The following RGS7 variants were observed in gnomAD, a reference collection of about 807,000 sequenced individuals.
RGS7 encodes the protein regulator of G-protein signaling 7.
In RGS7, 27 loss-of-function variants were observed where a neutral mutation model predicts 81.1. The ratio of observed to expected loss-of-function variants is 0.33; its 90% CI spans 0.25 to 0.46. The LOEUF is 0.46. Among genes scored for constraint, RGS7 ranks in the 20% least tolerant of loss-of-function variants. RGS7 has a pLI of 1.00. For missense variants in RGS7, 396 were observed against 607.4 expected (o/e 0.65, Z 3.66); for synonymous variants, 208 against 207.7 (o/e 1.00, Z -0.01).
rs545202309 is a variant in RGS7, at chr1:240,940,005, G to A, written c.227-3299C>T. Among the ~76,000 whole-genome samples, 153 of 152,220 alleles carry A rather than the reference G, an allele frequency of 1.0e-3. 1 individual carries two copies. Among genetic ancestry groups the A allele is most frequent in the African/African-American group, 3.4e-3 (142 of 41,542 alleles). On this transcript the variant is annotated intron_variant, in intron 4 of 18. Coordinates refer to ENST00000440928, the MANE Select transcript of RGS7 (RefSeq NM_001364886.1). Reference sequence around the variant, plus strand: ...TGAGGCATGAGAACCACCTGAATTCGGGAGGTGGAGGTTGTAGTTAGCAGA... The same window carrying A: ...TGAGGCATGAGAACCACCTGAATTCAGGAGGTGGAGGTTGTAGTTAGCAGA...
At chr1:240,990,999 G>C (rs774147533) in intron 3 of RGS7, among the ~76,000 whole-genome samples, 4 of 152,152 alleles carry the variant, frequency 2.6e-5, no homozygotes, top group Non-Finnish European at 5.9e-5. Flanking sequence ...GAAAATGTTG[G>C]GTTTTGTTGA....
chr1:241,205,236 C>T (rs1396636864), intron 2 of RGS7, among the ~76,000 whole-genome samples: 2 of 149,634 alleles, frequency 1.3e-5, no homozygotes, highest in Non-Finnish European at 2.9e-5. Flanking sequence ...GCACACCACG[C>T]CCAGCTAATT....
chr1:240,892,438 C>G (rs1387019471), intron 6 of RGS7, among the ~76,000 whole-genome samples: 4 of 152,054 alleles, frequency 2.6e-5, no homozygotes, highest in African/African-American at 7.2e-5. Flanking sequence ...AGCCAAAAGC[C>G]CCGTAGGACA....
intron 3 of RGS7, among the ~76,000 whole-genome samples, chr1:241,002,275 C>T (rs969220849): frequency 8.6e-5 from 13 of 151,176 alleles, no homozygotes; most frequent in African/African-American, 2.9e-4. Flanking sequence ...GGTGAAACCC[C>T]ATCTCTACTA....
At chr1:241,138,748 G>C (rs906672541) in intron 2 of RGS7, among the ~76,000 whole-genome samples, 1 of 151,990 alleles carries the variant, frequency 6.6e-6, no homozygotes, top group Non-Finnish European at 1.5e-5. Flanking sequence ...TAAAAGCTTT[G>C]AGGGCTATTT....
At chr1:241,356,337 T>C (rs1420682753) in intron 1 of RGS7, among the ~76,000 whole-genome samples, 1 of 152,096 alleles carries the variant, frequency 6.6e-6, no homozygotes, top group Non-Finnish European at 1.5e-5. Flanking sequence ...CGCACGGGCT[T>C]CCTCTCTATT....
intron 4 of RGS7, among the ~76,000 whole-genome samples, chr1:240,959,610 G>A (rs917353046): frequency 2.0e-4 from 31 of 152,244 alleles, no homozygotes; most frequent in African/African-American, 6.3e-4. Flanking sequence ...TTTGCTGACC[G>A]AAACGTTGTT....
At chr1:241,112,959 T>C (rs1207648855) in intron 2 of RGS7, among the ~76,000 whole-genome samples, 1 of 152,230 alleles carries the variant, frequency 6.6e-6, no homozygotes, top group Non-Finnish European at 1.5e-5. Context: ...TCCTTCTGGC[T>C]AGTCCATCTA....
chr1:241,053,575 T>C (rs762671149), intron 3 of RGS7, among the ~76,000 whole-genome samples: 5 of 152,256 alleles, frequency 3.3e-5, no homozygotes, highest in Admixed American at 1.3e-4. Context: ...TAAATGATTC[T>C]ACTTTCATAG....
intron 2 of RGS7, among the ~76,000 whole-genome samples, chr1:241,225,893 C>A (rs2148026221): frequency 6.6e-6 from 1 of 152,292 alleles, no homozygotes; most frequent in Non-Finnish European, 1.5e-5. Flanking sequence ...GAATAGAGTG[C>A]CATTTAGCAG....
chr1:241,225,254 G>A (rs746065488), intron 2 of RGS7, among the ~76,000 whole-genome samples: 1 of 152,080 alleles, frequency 6.6e-6, no homozygotes, highest in Non-Finnish European at 1.5e-5. Flanking sequence ...CATGTGGTAA[G>A]CAAAATACAT....
intron 4 of RGS7, among the ~76,000 whole-genome samples, chr1:240,941,338 A>G (rs1033864850): frequency 6.6e-6 from 1 of 152,212 alleles, no homozygotes; most frequent in Admixed American, 6.5e-5. Flanking sequence ...TGTGTTCATT[A>G]CAGGATCTCC....
intron 4 of RGS7, among the ~76,000 whole-genome samples, chr1:240,967,876 TAG>T (rs143419382): frequency 0.039 from 5,970 of 152,266 alleles, 150 homozygotes; most frequent in South Asian, 0.097. Flanking sequence ...AAAAGCAAAT[TAG>T]AGTTATTGCT....
chr1:241,295,303 A>T (rs1195924952), intron 2 of RGS7, among the ~76,000 whole-genome samples: 1 of 151,826 alleles, frequency 6.6e-6, no homozygotes, highest in Non-Finnish European at 1.5e-5. Flanking sequence ...AAATACAAAA[A>T]TTAGCCAGGC....
At chr1:241,140,587 G>A (rs116976097) in intron 2 of RGS7, among the ~76,000 whole-genome samples, 1,764 of 152,138 alleles carry the variant, frequency 0.012, 42 homozygotes, top group East Asian at 0.06. Flanking sequence ...AATTTTTTGT[G>A]GAGACAGGGT....
intron 5 of RGS7, among the ~76,000 whole-genome samples, chr1:240,933,624 T>C (rs1465157709): frequency 2.0e-5 from 3 of 151,714 alleles, no homozygotes; most frequent in Admixed American, 6.6e-5. Flanking sequence ...AGTTCTACCA[T>C]ACATTAGGAC....
At chr1:240,829,515 T>C (rs1439933625) in intron 9 of RGS7, among the ~76,000 whole-genome samples, 1 of 152,204 alleles carries the variant, frequency 6.6e-6, no homozygotes, top group African/African-American at 2.4e-5. Context: ...TTTTAAAACA[T>C]TAAAGGATCG....
At chr1:241,297,578 G>A (rs777547040) in intron 2 of RGS7, among the ~76,000 whole-genome samples, 26 of 152,216 alleles carry the variant, frequency 1.7e-4, no homozygotes, top group Non-Finnish European at 3.2e-4. Flanking sequence ...TGTCACCAGC[G>A]GATCGGCATC....
At chr1:241,248,071 G>C (rs903676750) in intron 2 of RGS7, among the ~76,000 whole-genome samples, 1 of 152,008 alleles carries the variant, frequency 6.6e-6, no homozygotes, top group Non-Finnish European at 1.5e-5. Flanking sequence ...CTCCCTTTCT[G>C]TCACTTTTTG....
Sources: allele counts gnomAD v4.1 joint callset (sites outside exome capture counted in the v4.1 genomes callset), GRCh38; gene constraint gnomAD v4.1.1; transcripts MANE v1.5; gene names NCBI Gene and HGNC (gene_info 2026-07-23, HGNC 2026-07-21).